PIK3R5: variants seen among roughly 807,000 people sequenced by gnomAD.
PIK3R5 encodes phosphoinositide 3-kinase regulatory subunit 5.
A neutral mutation model predicts 94.9 loss-of-function variants in PIK3R5; 32 were observed. The observed-to-expected ratio is 0.34, with a 90% confidence interval of 0.25 to 0.45. PIK3R5 has a LOEUF of 0.45. Ranked by LOEUF, PIK3R5 falls within the 20% of genes least tolerant of loss-of-function variation. The probability of loss-of-function intolerance (pLI) is 1.00; values close to 1 mark genes in which losing one functional copy is unlikely to be tolerated. For missense variants in PIK3R5, 853 were observed against 1,144.6 expected, an observed-to-expected ratio of 0.75 and a Z score of 3.68; for synonymous variants, 443 against 479.4, an observed-to-expected ratio of 0.92 and a Z score of 0.99.
intron 1 of PIK3R5, among the ~76,000 whole-genome samples, chr17:8,921,922 T>TA (rs2090756095): frequency 1.3e-5 from 2 of 152,152 alleles, no homozygotes; most frequent in African/African-American, 4.8e-5. Context: ...AAAAAATAGT[T>TA]AAATATCAAA....
At chr17:8,934,460 T>C (rs2091038209) in intron 1 of PIK3R5, among the ~76,000 whole-genome samples, 2 of 152,226 alleles carry the variant, frequency 1.3e-5, no homozygotes, top group Admixed American at 1.3e-4. Context: ...GTCAGAAGAC[T>C]CAATATTGAT....
chr17:8,905,218 G>T lies in PIK3R5; in HGVS notation c.274-303C>A, dbSNP rs60915119. 4.9e-3 allele frequency among the ~76,000 whole-genome samples: 722 copies of T among 147,664 alleles called. 4 individuals carry two copies. The highest frequency in any genetic ancestry group is 9.5e-3 in the African/African-American group (380 of 39,966). Reference sequence around the variant, plus strand: ...GGTGCCATTGCTGACACTTGTTATGGATAATGGTCTTCAATGCCTAAACCA... The same window carrying T: ...GGTGCCATTGCTGACACTTGTTATGTATAATGGTCTTCAATGCCTAAACCA... On this transcript the variant is annotated intron_variant, in intron 4 of 18. Coordinates refer to ENST00000447110, the MANE Select transcript of PIK3R5 (RefSeq NM_001142633.3).
At chr17:8,953,723 C>T (rs1229868204) in intron 1 of PIK3R5, among the ~76,000 whole-genome samples, 3 of 152,198 alleles carry the variant, frequency 2.0e-5, no homozygotes, top group African/African-American at 7.2e-5. Context: ...ATATTCCTGT[C>T]CCCAGGGCCA....
At chr17:8,916,892 T>C (rs570002067) in intron 1 of PIK3R5, 1 of 152,480 alleles carries the variant, frequency 6.6e-6, no homozygotes, top group East Asian at 1.9e-4. Context: ...GCATCTCATA[T>C]GGAGGGGGCC....
At chr17:8,913,447 C>T (rs1302325544) in intron 1 of PIK3R5, among the ~76,000 whole-genome samples, 1 of 152,218 alleles carries the variant, frequency 6.6e-6, no homozygotes, top group Non-Finnish European at 1.5e-5. Flanking sequence ...TGGCTCATGC[C>T]CGTAATCCCA....
intron 1 of PIK3R5, among the ~76,000 whole-genome samples, chr17:8,941,791 C>T (rs2151457350): frequency 6.6e-6 from 1 of 152,350 alleles, no homozygotes; most frequent in East Asian, 1.9e-4. Context: ...GGATATCAAC[C>T]TGTCACCACC....
chr17:8,951,265 T>C (rs2091370564), intron 1 of PIK3R5, among the ~76,000 whole-genome samples: 1 of 152,184 alleles, frequency 6.6e-6, no homozygotes, highest in Non-Finnish European at 1.5e-5. Context: ...GTGTGTACAG[T>C]TTTGTGCGTA....
At chr17:8,880,867 C>T in intron 18 of PIK3R5, 38 bp downstream of exon 18, 1 of 1,613,026 alleles carries the variant, frequency 6.2e-7, no homozygotes. Context: ...TTGGTGGGAG[C>T]AGAAACTGCT....
chr17:8,891,474 GA>G (rs1393870758), intron 6 of PIK3R5, among the ~76,000 whole-genome samples: 14 of 152,324 alleles, frequency 9.2e-5, no homozygotes, highest in African/African-American at 2.9e-4. Context: ...CCAAAGCCAT[GA>G]TACAGGCTTT....
intron 3 of PIK3R5, among the ~76,000 whole-genome samples, chr17:8,908,715 T>A (rs959060219): frequency 6.6e-6 from 1 of 152,164 alleles, no homozygotes; most frequent in African/African-American, 2.4e-5. Context: ...AGAGGAGGCC[T>A]CAGTTTACCT....
chr17:8,961,797 A>C (rs935868876), intron 1 of PIK3R5, among the ~76,000 whole-genome samples: 12 of 152,134 alleles, frequency 7.9e-5, no homozygotes, highest in Non-Finnish European at 1.2e-4. Flanking sequence ...ATAGACTCAG[A>C]AGACTCAAGA....
intron 1 of PIK3R5, among the ~76,000 whole-genome samples, chr17:8,946,545 A>G (rs1405783845): frequency 1.3e-5 from 2 of 151,812 alleles, no homozygotes; most frequent in African/African-American, 4.8e-5. Context: ...AGGCTGTCCA[A>G]CCTAAGTGTG....
At chr17:8,942,687 G>C (rs186610287) in intron 1 of PIK3R5, among the ~76,000 whole-genome samples, 6,613 of 151,292 alleles carry the variant, frequency 0.044, 203 homozygotes, top group Non-Finnish European at 0.063. Flanking sequence ...CTCACTGCAA[G>C]CTCCGCCTCC....
intron 1 of PIK3R5, among the ~76,000 whole-genome samples, chr17:8,930,537 G>A (rs72807977): frequency 0.074 from 11,245 of 152,206 alleles, 449 homozygotes; most frequent in African/African-American, 0.099. Flanking sequence ...TCAAAGAAAG[G>A]AAAACTTATG....
intron 1 of PIK3R5, among the ~76,000 whole-genome samples, chr17:8,932,220 A>C (rs2090998558): frequency 6.6e-6 from 1 of 151,572 alleles, no homozygotes; most frequent in Non-Finnish European, 1.5e-5. Context: ...AAATCTCAGA[A>C]GGGAATTGGA....
Position 8,889,140 on chromosome 17 carries a change from A to T in PIK3R5, c.894T>A (p.Phe298Leu). 1 of 1,613,518 alleles carries T rather than the reference A, an allele frequency of 6.2e-7. No homozygotes were observed. Among genetic ancestry groups the T allele is most frequent in the Non-Finnish European group, 8.5e-7 (1 of 1,179,692 alleles). Residue 298 changes from phenylalanine (F) to leucine (L), a missense_variant and splice_region_variant, in exon 9 of 19, where the codon TTT becomes TTA. Physicochemically the swap from Phe to Leu is conservative, Grantham distance 22. This residue lies in a region of PIK3R5 where 161 missense variants were observed against 249.5 expected (regional missense o/e 0.65). Transcript: ENST00000447110. This position sits in a 1 kb window ranked among gnomAD's most constrained non-coding sequence, Gnocchi z 4.1. ...GTCACCAGGGCCCCGGCTCCTTACC[A>T]AAGCTGTCCTGGCTCCAGCTGTAGG... ...CYTYSWSQDS[F>L]DILQEILLKE... is the part of the protein sequence containing the mutation.
chr17:8,883,432 C>T (rs1479745189), intron 15 of PIK3R5, among the ~76,000 whole-genome samples: 10 of 152,282 alleles, frequency 6.6e-5, no homozygotes, highest in Admixed American at 6.5e-5. Context: ...TATGCTGGTC[C>T]CCCATTTCTT....
At chr17:8,951,638 C>T (rs1431619624) in intron 1 of PIK3R5, among the ~76,000 whole-genome samples, 1 of 152,088 alleles carries the variant, frequency 6.6e-6, no homozygotes, top group Non-Finnish European at 1.5e-5. Context: ...TTTGTTTATC[C>T]ATTTATCCAT....
chr17:8,917,071 A>G (rs957647810), intron 1 of PIK3R5, among the ~76,000 whole-genome samples: 5 of 152,098 alleles, frequency 3.3e-5, no homozygotes, highest in African/African-American at 1.2e-4. Context: ...TCCCTTCCTC[A>G]TGCCTTCATA....
Sources: gnomAD v4.1 joint callset for allele counts (sites outside exome capture counted in the v4.1 genomes callset) on GRCh38, gnomAD v4.1.1 for gene constraint, gnomAD v4.1.1 regional missense constraint, Gnocchi (gnomAD v3.1) non-coding constraint, MANE v1.5 for transcripts, NCBI Gene and HGNC (gene_info 2026-07-23, HGNC 2026-07-21) for gene names.